The following BARD1 variants were observed in gnomAD, a reference collection of about 807,000 sequenced individuals.
The protein encoded by BARD1 is BRCA1-associated RING domain protein 1.
In BARD1, 73 loss-of-function variants were observed where a neutral mutation model predicts 77.0. That is an observed-to-expected ratio of 0.95 (90% CI 0.79 to 1.15). The LOEUF (loss-of-function observed/expected upper bound fraction) is 1.15. Among genes scored for constraint, BARD1 ranks in the 50% most tolerant of loss-of-function variants. The pLI is 0.00. For synonymous variants in BARD1, 384 were observed against 338.0 expected (o/e 1.14, Z -1.49); for missense variants, 993 against 938.8 (o/e 1.06, Z -0.75).
chr2:214,768,776 A>G (rs780426976), intron 5 of BARD1, among the ~76,000 whole-genome samples: 2 of 152,246 alleles, frequency 1.3e-5, no homozygotes, highest in African/African-American at 2.4e-5. Flanking sequence ...GTAAGCAAAG[A>G]TTTCTACTGC....
intron 1 of BARD1, among the ~76,000 whole-genome samples, chr2:214,803,475 G>A (rs1559448100): frequency 6.6e-6 from 1 of 152,236 alleles, no homozygotes; most frequent in African/African-American, 2.4e-5. Context: ...TAGGGCTGGA[G>A]GTGGGACGTG....
At chr2:214,737,989 T>TA (rs1239559845) in intron 9 of BARD1, among the ~76,000 whole-genome samples, 1 of 152,200 alleles carries the variant, frequency 6.6e-6, no homozygotes, top group African/African-American at 2.4e-5. Flanking sequence ...ACATTTTAGT[T>TA]AGCTTTCTTG....
At chr2:214,800,756 T>G (rs1412345482) in intron 1 of BARD1, among the ~76,000 whole-genome samples, 1 of 152,024 alleles carries the variant, frequency 6.6e-6, no homozygotes, top group African/African-American at 2.4e-5. Flanking sequence ...TAAAATTAAA[T>G]GTCATACTTT....
Position 214,800,782 on chromosome 2 carries a change from T to C in BARD1, c.159-3665A>G, listed in dbSNP as rs554736531. ...GTCATACTTTTTTTAAAAAAAGGAA[T>C]CAGGATAGCATAAGACTTCTCAAGG... On this transcript the variant is annotated intron_variant, in intron 1 of 10. Transcript: ENST00000260947. Among the ~76,000 whole-genome samples, 6 of 152,148 alleles carry C rather than the reference T, an allele frequency of 3.9e-5. No homozygotes were observed. The East Asian group carries it at 9.7e-4, about 24-fold the overall frequency.
At chr2:214,775,969 C>G (rs1381005649) in intron 4 of BARD1, among the ~76,000 whole-genome samples, 1 of 152,162 alleles carries the variant, frequency 6.6e-6, no homozygotes, top group African/African-American at 2.4e-5. Context: ...GTATAATAAA[C>G]TACAAAGTTA....
Position 214,808,553 on chromosome 2 carries a change from G to C in BARD1, c.158+859C>G, listed in dbSNP as rs538886700. ...GCTACAAATAACAAAAAAACTGCCA[G>C]TGATCTTCATACAGAAATACTTAGC... On this transcript the variant is annotated intron_variant, in intron 1 of 10. Coordinates refer to ENST00000260947, the MANE Select transcript of BARD1 (RefSeq NM_000465.4). Among the ~76,000 whole-genome samples, 22 of 152,346 alleles carry C rather than the reference G, an allele frequency of 1.4e-4. 1 individual carries two copies. The South Asian group carries it at 4.6e-3, about 32-fold the overall frequency.
intron 7 of BARD1, among the ~76,000 whole-genome samples, chr2:214,746,403 A>C (rs1693117718): frequency 6.6e-6 from 1 of 152,182 alleles, no homozygotes; most frequent in Admixed American, 6.5e-5. Flanking sequence ...AGGAGATCAG[A>C]TCCATAAATA....
chr2:214,746,435 C>T (rs1035017967), intron 7 of BARD1, among the ~76,000 whole-genome samples: 6 of 151,980 alleles, frequency 3.9e-5, no homozygotes, highest in South Asian at 2.1e-4. Context: ...ATATAGCTCA[C>T]GACTAAGAAA....
Position 214,728,579 on chromosome 2 carries a change from T to A in BARD1, c.*97A>T. On this transcript the variant is annotated 3_prime_UTR_variant, in exon 11 of 11. Transcript: ENST00000260947. ...ATTCAAAGACAAATATGAATGACTC[T>A]ACCTATTTGTAAAAATGTGAACATT... 4.6e-6 allele frequency: 5 copies of A among 1,075,566 alleles called. No individual in the cohort carries two copies. The highest frequency in any genetic ancestry group is 1.4e-5 in the South Asian group (1 of 72,408). The allele number at this position is 1,075,566 out of a possible 1,614,324, so 66.6% of individuals were successfully genotyped here.
intron 3 of BARD1, among the ~76,000 whole-genome samples, chr2:214,787,410 A>G (rs1695321299): frequency 6.6e-6 from 1 of 152,002 alleles, no homozygotes; most frequent in Non-Finnish European, 1.5e-5. Flanking sequence ...CTAAGCAAGG[A>G]GCACAACAAA....
rs753630023 is a variant in BARD1 at position 214,809,455 on chromosome 2, C to T, written c.115G>A (p.Ala39Thr). ...AGCTTCTCCAGGCGGTCGAGCGCGG[C>T]GCGACTGTGGGCCCAGGCACCGCGA... ...DGRGAWAHSR[A>T]ALDRLEKLLR... Residue 39 changes from alanine to threonine, a missense_variant, in exon 1 of 11, where the codon GCC becomes ACC. Transcript: ENST00000260947. 6.2e-6 allele frequency: 10 copies of T among 1,611,324 alleles called. No homozygotes were observed. The South Asian group carries it at 8.8e-5, about 14-fold the overall frequency.
rs76284274 is a variant in BARD1, at chr2:214,782,716, T to G, written c.365-1207A>C. On this transcript the variant is annotated intron_variant, in intron 3 of 10. Transcript: ENST00000260947. ...AGGAAGGCATCAAGGAGAAGTTGAT[T>G]TTTGAGCTGAGATGTAAATGATGTA... Among the ~76,000 whole-genome samples the G allele has an allele frequency of 8.5e-5, 13 of 152,250 alleles. No individual in the cohort carries two copies. The East Asian group carries it at 2.5e-3, about 29-fold the overall frequency.
chr2:214,784,387 G>C (rs779619854), intron 3 of BARD1, among the ~76,000 whole-genome samples: 18 of 152,182 alleles, frequency 1.2e-4, no homozygotes, highest in Non-Finnish European at 2.4e-4. Context: ...ACAGATGCTG[G>C]AGAGGATGTG....
At chr2:214,794,300 T>C (rs1695661350) in intron 2 of BARD1, among the ~76,000 whole-genome samples, 1 of 152,104 alleles carries the variant, frequency 6.6e-6, no homozygotes, top group South Asian at 2.1e-4. Context: ...TGGTGTAGTA[T>C]TAAAGAAGAA....
rs2106172347 is a variant in BARD1, at chr2:214,809,604, C to G, written c.-35G>C. On this transcript the variant is annotated 5_prime_UTR_variant, in exon 1 of 11. Transcript: ENST00000260947. ...TTCGGATGAAAGGCTCCTCGCAGAG[C>G]GGGAAGCAAGGAAGCCTCGGGAAAC... 3 of 1,526,242 alleles carry G rather than the reference C, an allele frequency of 2.0e-6. No homozygotes were observed. The South Asian group carries it at 3.6e-5, about 18-fold the overall frequency. The allele number at this position is 1,526,242 out of a possible 1,614,324, so 94.5% of individuals were successfully genotyped here.
intron 1 of BARD1, among the ~76,000 whole-genome samples, chr2:214,809,028 C>A (rs1696422474): frequency 6.6e-6 from 1 of 152,190 alleles, no homozygotes; most frequent in Admixed American, 6.5e-5. Flanking sequence ...CCACAGCTCC[C>A]GGAAAGCAGC....
chr2:214,790,187 G>A (rs1695452346), intron 3 of BARD1, among the ~76,000 whole-genome samples: 1 of 151,974 alleles, frequency 6.6e-6, no homozygotes, highest in South Asian at 2.1e-4. Flanking sequence ...ACTGACAACG[G>A]TAAATCCATC....
intron 4 of BARD1, among the ~76,000 whole-genome samples, chr2:214,776,043 T>C (rs2106097420): frequency 6.6e-6 from 1 of 152,328 alleles, no homozygotes; most frequent in South Asian, 2.1e-4. Flanking sequence ...ATCACCTTTG[T>C]TATGTTCTAA....
intron 3 of BARD1, among the ~76,000 whole-genome samples, chr2:214,786,155 G>T (rs1695266775): frequency 6.6e-6 from 1 of 151,816 alleles, no homozygotes; most frequent in South Asian, 2.1e-4. Context: ...TACCATATAG[G>T]AAATAAACAT....
Sources: allele counts gnomAD v4.1 joint callset (sites outside exome capture counted in the v4.1 genomes callset), GRCh38; gene constraint gnomAD v4.1.1; transcripts MANE v1.5; gene names NCBI Gene and HGNC (gene_info 2026-07-23, HGNC 2026-07-21).